RICTOR: variants seen among roughly 807,000 people sequenced by gnomAD.
The protein encoded by RICTOR is rapamycin-insensitive companion of mTOR.
In RICTOR, 49 loss-of-function variants were observed where a neutral mutation model predicts 214.9. That is an observed-to-expected ratio of 0.23 (90% CI 0.18 to 0.29). RICTOR has a LOEUF of 0.29. Among genes scored for constraint, RICTOR ranks in the 10% least tolerant of loss-of-function variants. RICTOR has a pLI of 1.00. For missense variants in RICTOR, 1,625 were observed against 2,047.0 expected, an observed-to-expected ratio of 0.79 and a Z score of 3.98; for synonymous variants, 717 against 711.3, an observed-to-expected ratio of 1.01 and a Z score of -0.13.
At chr5:39,017,908 G>C (rs1755088817) in intron 3 of RICTOR, among the ~76,000 whole-genome samples, 2 of 152,072 alleles carry the variant, frequency 1.3e-5, no homozygotes, top group Admixed American at 1.3e-4. Context: ...TAGGTCTGGG[G>C]TGGGGCTAAA....
At chr5:39,040,326 G>T in intron 2 of RICTOR, among the ~76,000 whole-genome samples, 1 of 120,434 alleles carries the variant, frequency 8.3e-6, no homozygotes. Flanking sequence ...GAGGGGTGGG[G>T]GGAGGGGGGA....
intron 17 of RICTOR, 87 bp from the exon 18 acceptor site, chr5:38,962,673 C>CAGCT: frequency 1.2e-6 from 1 of 842,602 alleles, no homozygotes; most frequent in South Asian, 1.9e-5. Flanking sequence ...AAATGAAAGG[C>CAGCT]AGCTTTTCCA....
At chr5:38,981,049 A>G (rs1751681740) in intron 8 of RICTOR, 1 of 152,228 alleles carries the variant, frequency 6.6e-6, no homozygotes. Flanking sequence ...TTATACTAAC[A>G]TTGTTAGTTA....
At chr5:39,047,283 C>T (rs1424157105) in intron 2 of RICTOR, among the ~76,000 whole-genome samples, 1 of 152,148 alleles carries the variant, frequency 6.6e-6, no homozygotes, top group East Asian at 1.9e-4. Flanking sequence ...ATTGTTCCAC[C>T]TCAGATCATC....
intron 6 of RICTOR, among the ~76,000 whole-genome samples, chr5:38,993,102 G>C (rs890914644): frequency 1.3e-5 from 2 of 152,132 alleles, no homozygotes; most frequent in African/African-American, 4.8e-5. Flanking sequence ...ATAGTTGGCT[G>C]GACCAAAACT....
At chr5:38,976,695 G>A (rs1394092074) in intron 9 of RICTOR, among the ~76,000 whole-genome samples, 1 of 152,066 alleles carries the variant, frequency 6.6e-6, no homozygotes, top group African/African-American at 2.4e-5. Context: ...TCATTTCCCT[G>A]TTCCCTGGTC....
intron 21 of RICTOR, 147 bp from the exon 22 acceptor site, chr5:38,959,468 C>T: frequency 1.7e-6 from 1 of 597,032 alleles, no homozygotes; most frequent in African/African-American, 1.9e-5. Context: ...TTGATATACA[C>T]ATACATTGTG....
At chr5:39,070,455 G>A (rs962267374) in intron 2 of RICTOR, among the ~76,000 whole-genome samples, 2 of 151,836 alleles carry the variant, frequency 1.3e-5, no homozygotes, top group African/African-American at 2.4e-5. Flanking sequence ...CGGCCTGGGC[G>A]ACAGAGCGAG....
intron 2 of RICTOR, among the ~76,000 whole-genome samples, chr5:39,039,250 A>C (rs1483636690): frequency 1.3e-5 from 2 of 152,168 alleles, no homozygotes; most frequent in Non-Finnish European, 2.9e-5. Flanking sequence ...TGCTGGGAAA[A>C]CTGGCTAGCC....
chr5:39,003,933 A>G (rs1163866339), intron 3 of RICTOR, among the ~76,000 whole-genome samples: 1 of 152,184 alleles, frequency 6.6e-6, no homozygotes, highest in African/African-American at 2.4e-5. Context: ...TAAGATTACA[A>G]CATGCATTGT....
chr5:38,951,534 C>T (rs1282769411), intron 30 of RICTOR, among the ~76,000 whole-genome samples: 1 of 151,904 alleles, frequency 6.6e-6, no homozygotes, highest in Non-Finnish European at 1.5e-5. Context: ...TAATAGGCAG[C>T]ACTTCTTCTT....
At chr5:39,057,287 T>A (rs1483682716) in intron 2 of RICTOR, among the ~76,000 whole-genome samples, 4 of 152,154 alleles carry the variant, frequency 2.6e-5, no homozygotes, top group African/African-American at 9.7e-5. Flanking sequence ...CATCAATGGT[T>A]CCATTGATGT....
chr5:38,968,951 T>G (rs1750472098), intron 11 of RICTOR, among the ~76,000 whole-genome samples: 1 of 142,228 alleles, frequency 7.0e-6, no homozygotes, highest in South Asian at 2.2e-4. Flanking sequence ...TAGTGTGTGT[T>G]TGGCGGGGGA....
At chr5:39,071,989 A>G (rs1309127728) in intron 2 of RICTOR, among the ~76,000 whole-genome samples, 1 of 152,210 alleles carries the variant, frequency 6.6e-6, no homozygotes, top group African/African-American at 2.4e-5. Flanking sequence ...ATTTTCTTCA[A>G]GCCTTCTTTG....
chr5:38,959,080 A>G, intron 22 of RICTOR, 115 bp downstream of exon 22: 5 of 867,762 alleles, frequency 5.8e-6, no homozygotes, highest in Non-Finnish European at 1.7e-6. Context: ...AAAATTTTAA[A>G]GTAAACTCAA....
At chr5:38,943,060 T>G (rs1475373143) in intron 36 of RICTOR, 89 bp from the exon 37 acceptor site, 2 of 898,578 alleles carry the variant, frequency 2.2e-6, no homozygotes, top group Non-Finnish European at 3.5e-6. Flanking sequence ...AAAATAGATT[T>G]CCCTACAGAT....
At position 38,990,801 on chromosome 5, in the gene RICTOR, T is replaced by TATATGAGATATG. The variant is rs1554068193; in HGVS notation, c.583+147_583+148insCATATCTCATAT. 3.2e-4 allele frequency: 26 copies of TATATGAGATATG among 80,980 alleles called. 1 individual carries two copies. In the South Asian group the frequency reaches 6.9e-3, roughly 21 times the overall value. 5.0% of individuals were successfully genotyped at this position (80,980 alleles called of 1,614,324 possible). On this transcript the variant is annotated intron_variant, in intron 7 of 37. Transcript: ENST00000357387. ...TATATGAGATATATGAGATATATGATATATATGAGATATATGAGATATATG... is the reference window on the plus strand; with the variant it reads ...TATATGAGATATATGAGATATATGATATATGAGATATGATATATGAGATATATGAGATATATG...
At chr5:38,976,803 A>T (rs1579973243) in intron 9 of RICTOR, among the ~76,000 whole-genome samples, 2 of 152,202 alleles carry the variant, frequency 1.3e-5, no homozygotes, top group Admixed American at 6.5e-5. Flanking sequence ...CTGATGGAAT[A>T]GCCCCACCCT....
intron 3 of RICTOR, among the ~76,000 whole-genome samples, chr5:39,012,495 CAT>C (rs1415014324): frequency 6.6e-6 from 1 of 152,116 alleles, no homozygotes; most frequent in Non-Finnish European, 1.5e-5. Flanking sequence ...AATAGAAGAA[CAT>C]AGAGTGAGTT....
Sources: gnomAD v4.1 joint callset for allele counts (sites outside exome capture counted in the v4.1 genomes callset) on GRCh38, gnomAD v4.1.1 for gene constraint, MANE v1.5 for transcripts, NCBI Gene and HGNC (gene_info 2026-07-23, HGNC 2026-07-21) for gene names.